STK32B: variants seen among roughly 807,000 people sequenced by gnomAD.
STK32B encodes the protein serine/threonine kinase 32B, also known as serine/threonine-protein kinase 32B.
In STK32B, 43 loss-of-function variants were observed where a neutral mutation model predicts 52.6. That is an observed-to-expected ratio of 0.82 (90% CI 0.64 to 1.05). STK32B has a LOEUF of 1.05. Among genes scored for constraint, STK32B ranks in the 50% least tolerant of loss-of-function variants. The pLI is 0.00. For missense variants in STK32B, 621 were observed against 534.6 expected, an observed-to-expected ratio of 1.16 and a Z score of -1.59; for synonymous variants, 238 against 204.3, an observed-to-expected ratio of 1.17 and a Z score of -1.41.
rs1183032017 is a variant in STK32B at position 5,317,221 on chromosome 4, A to AT, written c.261-13998dup. On this transcript the variant is annotated intron_variant, in intron 3 of 11. Coordinates refer to ENST00000282908, the MANE Select transcript of STK32B (RefSeq NM_018401.3). Reference sequence around the variant, plus strand: ...TATATATTATATATATAACATATATATATTATATATAACATATATATATTA... The same window carrying AT: ...TATATATTATATATATAACATATATATTATTATATATAACATATATATATTA... Among the ~76,000 whole-genome samples the AT allele has an allele frequency of 5.7e-4, 26 of 45,826 alleles. 5 individuals carry two copies. Among genetic ancestry groups the AT allele is most frequent in the African/African-American group, 4.6e-3 (24 of 5,274 alleles). The allele number at this position is 45,826 out of a possible 152,430, so 30.1% of individuals were successfully genotyped here.
chr4:5,417,431 TG>T (rs1205696067), intron 6 of STK32B, among the ~76,000 whole-genome samples: 1 of 152,252 alleles, frequency 6.6e-6, no homozygotes, highest in Non-Finnish European at 1.5e-5. Context: ...GGATCTTCTT[TG>T]CCAATCTTCA....
intron 4 of STK32B, among the ~76,000 whole-genome samples, chr4:5,335,956 A>G (rs369221889): frequency 2.2e-4 from 34 of 151,552 alleles, no homozygotes; most frequent in African/African-American, 7.3e-4. Context: ...AGTAGTATTG[A>G]GAACGCAGAC....
At position 5,499,109 on chromosome 4, in the gene STK32B, G is replaced by A. The variant is rs779357636; in HGVS notation, c.*26G>A. 1.3e-6 allele frequency: 2 copies of A among 1,594,146 alleles called. No individual in the cohort carries two copies. The highest frequency in any genetic ancestry group is 1.7e-6 in the Non-Finnish European group (2 of 1,168,744). ...GCCCACACTTGTTGCTGCTCAACAG[G>A]ACTGCACTCGTCTCTGCCCTGCCCA... On this transcript the variant is annotated 3_prime_UTR_variant, in exon 12 of 12. Coordinates refer to ENST00000282908, the MANE Select transcript of STK32B (RefSeq NM_018401.3).
intron 3 of STK32B, among the ~76,000 whole-genome samples, chr4:5,224,234 G>A (rs1723722624): frequency 1.3e-5 from 2 of 152,206 alleles, no homozygotes; most frequent in South Asian, 4.1e-4. Context: ...TGGTTTAAAT[G>A]TGTTCTTTCC....
At chr4:5,421,151 G>A (rs923203726) in intron 6 of STK32B, among the ~76,000 whole-genome samples, 2 of 148,806 alleles carry the variant, frequency 1.3e-5, no homozygotes, top group Admixed American at 6.7e-5. Context: ...GTGCAGTGGC[G>A]TGATCTCTGC....
chr4:5,092,245 C>A (rs1336631492), intron 1 of STK32B, among the ~76,000 whole-genome samples: 1 of 152,170 alleles, frequency 6.6e-6, no homozygotes, highest in African/African-American at 2.4e-5. Flanking sequence ...TAAAGAAATA[C>A]CAGAGGCTGG....
At chr4:5,254,203 C>T (rs1176826320) in intron 3 of STK32B, among the ~76,000 whole-genome samples, 2 of 152,116 alleles carry the variant, frequency 1.3e-5, no homozygotes, top group Non-Finnish European at 2.9e-5. Context: ...ATTTATACCT[C>T]TTTATTATAT....
At chr4:5,281,100 G>C (rs1472582423) in intron 3 of STK32B, among the ~76,000 whole-genome samples, 2 of 152,036 alleles carry the variant, frequency 1.3e-5, no homozygotes, top group Non-Finnish European at 2.9e-5. Context: ...GAGCAGGAGA[G>C]AGAGAGGGCA....
intron 4 of STK32B, among the ~76,000 whole-genome samples, chr4:5,377,122 G>T (rs1735636800): frequency 1.3e-5 from 2 of 152,174 alleles, no homozygotes; most frequent in Non-Finnish European, 2.9e-5. Flanking sequence ...TATGGCCAAA[G>T]GAGTCTTGAT....
intron 3 of STK32B, among the ~76,000 whole-genome samples, chr4:5,214,912 A>G (rs1723100306): frequency 6.6e-6 from 1 of 152,196 alleles, no homozygotes; most frequent in Non-Finnish European, 1.5e-5. Flanking sequence ...GAGAAATCTG[A>G]GATTTTGTGT....
At chr4:5,133,751 G>C (rs1037766132) in intron 1 of STK32B, among the ~76,000 whole-genome samples, 3 of 152,162 alleles carry the variant, frequency 2.0e-5, no homozygotes, top group Admixed American at 1.3e-4. Context: ...TAGGTTGAAG[G>C]CCCATGGCTG....
chr4:5,414,864 G>C (rs1712021828), intron 5 of STK32B, among the ~76,000 whole-genome samples: 1 of 152,152 alleles, frequency 6.6e-6, no homozygotes, highest in African/African-American at 2.4e-5. Context: ...TTAATGAGCT[G>C]GCATCACTTT....
At chr4:5,427,855 G>T (rs1263867163) in intron 6 of STK32B, among the ~76,000 whole-genome samples, 1 of 151,046 alleles carries the variant, frequency 6.6e-6, no homozygotes, top group African/African-American at 2.4e-5. Context: ...ACCAGTTTTT[G>T]CTTTATTGAT....
intron 4 of STK32B, among the ~76,000 whole-genome samples, chr4:5,343,730 C>T (rs1315629423): frequency 1.3e-5 from 2 of 152,208 alleles, no homozygotes; most frequent in Admixed American, 6.5e-5. Flanking sequence ...CAAATGGGAT[C>T]TAATTAAAGA....
At chr4:5,249,436 TACC>T (rs1158126968) in intron 3 of STK32B, among the ~76,000 whole-genome samples, 1,277 of 120,406 alleles carry the variant, frequency 0.011, 13 homozygotes, top group African/African-American at 0.018. Flanking sequence ...CCTTCCTTCC[TACC>T]TACCTTCCTT....
At chr4:5,094,299 A>G (rs1054659920) in intron 1 of STK32B, among the ~76,000 whole-genome samples, 4 of 152,226 alleles carry the variant, frequency 2.6e-5, no homozygotes, top group African/African-American at 9.6e-5. Flanking sequence ...AAAAATGTCA[A>G]GTTAACAGAA....
chr4:5,159,721 G>GAATA (rs1718266151), intron 2 of STK32B, among the ~76,000 whole-genome samples: 1 of 72,020 alleles, frequency 1.4e-5, no homozygotes, highest in Non-Finnish European at 2.4e-5. Flanking sequence ...ATATATGAAT[G>GAATA]TATATGAATA....
In STK32B at chr4:5,097,587, C is replaced by T. The variant is rs1455701112; in HGVS notation, c.53-42318C>T. ...GACACCAGATAGCCAAGAAGGGGAGCTCAGAAGCTTGGTTCTTTTCATGAA... is the reference window on the plus strand; with the variant it reads ...GACACCAGATAGCCAAGAAGGGGAGTTCAGAAGCTTGGTTCTTTTCATGAA... On this transcript the variant is annotated intron_variant, in intron 1 of 11. Transcript: ENST00000282908. Among the ~76,000 whole-genome samples, 4 of 152,292 alleles carry T rather than the reference C, an allele frequency of 2.6e-5. No homozygotes were observed. The East Asian group carries it at 7.7e-4, about 29-fold the overall frequency.
chr4:5,472,849 G>C (rs1283754359), intron 11 of STK32B, among the ~76,000 whole-genome samples: 3 of 151,922 alleles, frequency 2.0e-5, no homozygotes, highest in Non-Finnish European at 4.4e-5. Flanking sequence ...CTTTAATCTA[G>C]GGTTTCTCAA....
Sources: gnomAD v4.1 joint callset for allele counts (sites outside exome capture counted in the v4.1 genomes callset) on GRCh38, gnomAD v4.1.1 for gene constraint, MANE v1.5 for transcripts, NCBI Gene and HGNC (gene_info 2026-07-23, HGNC 2026-07-21) for gene names.